Variants in TMEM117 observed in about 807,000 individuals in gnomAD.
The protein encoded by TMEM117 is transmembrane protein 117.
Under a neutral mutation model 52.4 loss-of-function variants are expected in TMEM117, and 27 were observed. The observed-to-expected ratio is 0.51, with a 90% CI of 0.38 to 0.71. The LOEUF (loss-of-function observed/expected upper bound fraction) is 0.71, where lower values mean the gene tolerates loss of function less well. TMEM117 is among the 30% of genes least tolerant of loss of function. The probability of loss-of-function intolerance (pLI) is 0.00; values close to 1 mark genes in which losing one functional copy is unlikely to be tolerated. For synonymous variants in TMEM117, 215 were observed against 206.3 expected (o/e 1.04, Z -0.36); for missense variants, 556 against 630.5 (o/e 0.88, Z 1.26).
chr12:43,805,988 G>A, the TMEM117 span: 1 of 1,536,840 alleles, frequency 6.5e-7, no homozygotes, highest in Non-Finnish European at 8.7e-7. Context: ...TCGCTCCCCC[G>A]AATTTCGGAT....
chr12:44,353,481 T>C (rs1442931035), intron 6 of TMEM117, among the ~76,000 whole-genome samples: 2 of 151,596 alleles, frequency 1.3e-5, no homozygotes, highest in East Asian at 3.9e-4. Flanking sequence ...GTATAAGGTG[T>C]AAGGAAGGGA....
chr12:44,054,032 C>G (rs562277566), intron 3 of TMEM117, among the ~76,000 whole-genome samples: 2 of 152,174 alleles, frequency 1.3e-5, no homozygotes, highest in Non-Finnish European at 2.9e-5. Flanking sequence ...AAAGAAGTGA[C>G]GCAGATCAAA....
chr12:44,002,655 TCTA>T (rs761188088), intron 3 of TMEM117, among the ~76,000 whole-genome samples: 1 of 152,110 alleles, frequency 6.6e-6, no homozygotes, highest in African/African-American at 2.4e-5. Flanking sequence ...ACATTGTCCT[TCTA>T]CTGCTCTCAA....
intron 6 of TMEM117, among the ~76,000 whole-genome samples, chr12:44,326,323 G>A (rs139780053): frequency 6.6e-6 from 1 of 152,274 alleles, no homozygotes; most frequent in African/African-American, 2.4e-5. Context: ...TGTTTTAAAT[G>A]TATCAATCTT....
chr12:44,325,535 CT>C (rs1951183836), intron 6 of TMEM117, among the ~76,000 whole-genome samples: 1 of 146,326 alleles, frequency 6.8e-6, no homozygotes, highest in African/African-American at 2.6e-5. Flanking sequence ...TATATTTATT[CT>C]TTTTGTGAAT....
intron 2 of TMEM117, among the ~76,000 whole-genome samples, chr12:43,890,456 A>G (rs939886486): frequency 1.2e-4 from 19 of 152,120 alleles, no homozygotes; most frequent in African/African-American, 4.6e-4. Flanking sequence ...AGACAAAAGT[A>G]GCATCTTTCT....
chr12:44,313,321 G>T (rs1441530930), intron 6 of TMEM117, among the ~76,000 whole-genome samples: 1 of 152,048 alleles, frequency 6.6e-6, no homozygotes. Context: ...TCATTCTTCT[G>T]CATATGACTA....
intron 6 of TMEM117, among the ~76,000 whole-genome samples, chr12:44,335,995 C>G (rs1944566747): frequency 6.6e-6 from 1 of 151,970 alleles, no homozygotes; most frequent in Admixed American, 6.6e-5. Flanking sequence ...CATGATATAC[C>G]TTCCATAAAC....
At chr12:44,376,333 G>A (rs775633491) in intron 6 of TMEM117, 73 of 442,908 alleles carry the variant, frequency 1.6e-4, no homozygotes, top group Non-Finnish European at 2.9e-4. Context: ...ATGTGTAGAT[G>A]CAAATCAATT....
chr12:44,343,252 C>T (rs1054696718), intron 6 of TMEM117, among the ~76,000 whole-genome samples: 7 of 151,948 alleles, frequency 4.6e-5, no homozygotes, highest in Non-Finnish European at 7.4e-5. Flanking sequence ...CACACCCGGC[C>T]GGAAAAGAGA....
At chr12:44,363,307 A>G (rs1375160225) in intron 6 of TMEM117, among the ~76,000 whole-genome samples, 1 of 152,228 alleles carries the variant, frequency 6.6e-6, no homozygotes, top group Non-Finnish European at 1.5e-5. Flanking sequence ...GGCTGCACCT[A>G]GTACAGAATC....
downstream of TMEM117, among the ~76,000 whole-genome samples, chr12:44,392,003 G>T (rs937951643): frequency 1.5e-4 from 23 of 152,082 alleles, 1 homozygote; most frequent in Non-Finnish European, 5.9e-5. Flanking sequence ...AATTAATTCT[G>T]CAGCAGATAA....
chr12:44,157,415 T>G (rs992058327), intron 4 of TMEM117, among the ~76,000 whole-genome samples: 29 of 152,300 alleles, frequency 1.9e-4, no homozygotes, highest in African/African-American at 6.7e-4. Context: ...TTTCATACAT[T>G]AGAACATCTT....
chr12:43,796,907 A>C, the TMEM117 span: 23 of 1,457,116 alleles, frequency 1.6e-5, no homozygotes, highest in South Asian at 2.3e-4. Flanking sequence ...ATCACAGTAC[A>C]TCATAAACTA....
intron 1 of TMEM117, among the ~76,000 whole-genome samples, chr12:43,837,668 T>A (rs185331444): frequency 6.6e-6 from 1 of 152,274 alleles, no homozygotes; most frequent in African/African-American, 2.4e-5. Flanking sequence ...TGCAAACAAA[T>A]CACTGAAAAG....
At chr12:44,004,215 A>G (rs994230211) in intron 3 of TMEM117, among the ~76,000 whole-genome samples, 5 of 152,064 alleles carry the variant, frequency 3.3e-5, no homozygotes, top group Non-Finnish European at 7.4e-5. Flanking sequence ...ATAAGCTTTG[A>G]AGCTAACAGG....
intron 2 of TMEM117, among the ~76,000 whole-genome samples, chr12:43,909,694 C>G (rs908923285): frequency 1.3e-5 from 2 of 151,866 alleles, no homozygotes; most frequent in Non-Finnish European, 2.9e-5. Context: ...TGCAAACTAC[C>G]ATCGGAGAAT....
the TMEM117 span, among the ~76,000 whole-genome samples, chr12:43,809,162 C>T: frequency 6.6e-6 from 1 of 152,204 alleles, no homozygotes; most frequent in African/African-American, 2.4e-5. Context: ...GAGCAGTATA[C>T]ATGTTTGTGT....
chr12:44,172,365 G>A (rs1949058317), intron 4 of TMEM117, among the ~76,000 whole-genome samples: 2 of 152,090 alleles, frequency 1.3e-5, no homozygotes, highest in Non-Finnish European at 2.9e-5. Flanking sequence ...GCTTCTGATG[G>A]CTTGAGACAT....
Sources: gnomAD v4.1 joint callset for allele counts (sites outside exome capture counted in the v4.1 genomes callset) on GRCh38, gnomAD v4.1.1 for gene constraint, MANE v1.5 for transcripts, NCBI Gene and HGNC (gene_info 2026-07-23, HGNC 2026-07-21) for gene names.